NRXN1: variants seen among roughly 807,000 people sequenced by gnomAD.
NRXN1 encodes the protein neurexin 1.
In NRXN1, 39 loss-of-function variants were observed where a neutral mutation model predicts 150.9. The ratio of observed to expected loss-of-function variants is 0.26; its 90% confidence interval spans 0.20 to 0.34. The LOEUF (loss-of-function observed/expected upper bound fraction) is 0.34. NRXN1 is among the 10% of genes least tolerant of loss of function. The pLI, the probability that NRXN1 is intolerant of heterozygous loss-of-function variation, is 1.00. For missense variants in NRXN1, 1,815 were observed against 1,949.9 expected, an observed-to-expected ratio of 0.93 and a Z score of 1.30; for synonymous variants, 924 against 757.0, an observed-to-expected ratio of 1.22 and a Z score of -3.62.
rs1401913323 is a variant in NRXN1 at position 50,922,540 on chromosome 2, T to G, written c.820+118A>C. The G allele has an allele frequency of 1.1e-5, 10 of 922,310 alleles. No individual in the cohort carries two copies. The Admixed American group carries it at 2.0e-4, about 18-fold the overall frequency. The allele number at this position is 922,310 out of a possible 1,614,324, so 57.1% of individuals were successfully genotyped here. A position where few individuals can be genotyped will look rare whatever the true frequency, so the allele number is the denominator to read the frequency against. On this transcript the variant is annotated intron_variant, in intron 4 of 22. Coordinates refer to ENST00000401669, the MANE Select transcript of NRXN1 (RefSeq NM_001330078.2). Reference sequence around the variant, plus strand: ...AAAAAATGTGAACAAAAGATATGTATTTAATTTGCAGCCATATAATTTGCA... The same window carrying G: ...AAAAAATGTGAACAAAAGATATGTAGTTAATTTGCAGCCATATAATTTGCA...
chr2:50,742,793 G>A (rs1018160811), intron 5 of NRXN1, among the ~76,000 whole-genome samples: 9 of 151,922 alleles, frequency 5.9e-5, no homozygotes, highest in African/African-American at 2.2e-4. Flanking sequence ...AATAACATCG[G>A]CAGATTCTAA....
intron 15 of NRXN1, among the ~76,000 whole-genome samples, chr2:50,474,683 C>CAAAAATAAAA (rs2089829950): frequency 1.8e-5 from 1 of 54,992 alleles, no homozygotes; most frequent in Admixed American, 2.8e-4. Context: ...ACAGAAATAG[C>CAAAAATAAAA]AAAAAAAAAA....
At chr2:50,924,391 G>C (rs993478435) in intron 3 of NRXN1, among the ~76,000 whole-genome samples, 4 of 151,706 alleles carry the variant, frequency 2.6e-5, no homozygotes, top group African/African-American at 9.6e-5. Flanking sequence ...TCTTACCATG[G>C]GATGAGTGTG....
intron 5 of NRXN1, among the ~76,000 whole-genome samples, chr2:50,831,791 C>T (rs1360353961): frequency 2.6e-5 from 4 of 152,278 alleles, no homozygotes; most frequent in African/African-American, 4.8e-5. Flanking sequence ...TCATGTCATG[C>T]GAACAGTTAG....
At chr2:50,671,329 G>C (rs992225760) in intron 5 of NRXN1, among the ~76,000 whole-genome samples, 3 of 151,386 alleles carry the variant, frequency 2.0e-5, no homozygotes, top group Non-Finnish European at 3.0e-5. Context: ...TAATCTGTTT[G>C]GCTATTTTCA....
intron 5 of NRXN1, among the ~76,000 whole-genome samples, chr2:50,799,949 A>AT (rs1559280454): frequency 6.6e-6 from 1 of 152,112 alleles, no homozygotes; most frequent in African/African-American, 2.4e-5. Context: ...ACACATGATA[A>AT]TTTTTTTAAA....
chr2:50,630,761 T>C (rs748529089), intron 5 of NRXN1, among the ~76,000 whole-genome samples: 2 of 151,748 alleles, frequency 1.3e-5, no homozygotes, highest in African/African-American at 4.8e-5. Context: ...AATCAATATA[T>C]GAAAAAACAA....
intron 21 of NRXN1, among the ~76,000 whole-genome samples, chr2:50,021,081 C>A (rs1044246075): frequency 6.6e-6 from 1 of 152,246 alleles, no homozygotes; most frequent in Admixed American, 6.5e-5. Context: ...TAGATAATGT[C>A]AACTCTTGCC....
intron 5 of NRXN1, among the ~76,000 whole-genome samples, chr2:50,742,313 T>C (rs529814621): frequency 6.6e-6 from 1 of 151,844 alleles, no homozygotes; most frequent in Non-Finnish European, 1.5e-5. Flanking sequence ...TTGCCACTTA[T>C]ACATAGAGTA....
At chr2:50,326,501 A>G (rs1384516594) in intron 17 of NRXN1, among the ~76,000 whole-genome samples, 1 of 152,168 alleles carries the variant, frequency 6.6e-6, no homozygotes, top group Non-Finnish European at 1.5e-5. Flanking sequence ...CTGTAGGCTC[A>G]GGCATATAAT....
Position 50,447,737 on chromosome 2 carries a change from T to TTTTATATATA in NRXN1, c.3364+17704_3364+17705insTATATATAAA, listed in dbSNP as rs1208594855. ...AAATCACATAGTAAGCAGGGGAACG[T>TTTTATATATA]TATATATATATATATATATATATAT... On this transcript the variant is annotated intron_variant, in intron 17 of 22. Transcript: ENST00000401669. 5.8e-3 allele frequency among the ~76,000 whole-genome samples: 220 copies of TTTTATATATA among 37,906 alleles called. 48 individuals are homozygous for TTTTATATATA. Among genetic ancestry groups the TTTTATATATA allele is most frequent in the East Asian group, 0.039 (19 of 484 alleles). 24.9% of individuals were successfully genotyped at this position (37,906 alleles called of 152,430 possible).
intron 21 of NRXN1, chr2:50,023,491 AC>A (rs1220066578): frequency 6.6e-6 from 1 of 152,032 alleles, no homozygotes; most frequent in African/African-American, 2.4e-5. Context: ...CAACCTGGTG[AC>A]CTATGACAGC....
At chr2:50,061,054 T>G (rs1694452675) in intron 19 of NRXN1, among the ~76,000 whole-genome samples, 1 of 152,184 alleles carries the variant, frequency 6.6e-6, no homozygotes, top group Admixed American at 6.5e-5. Flanking sequence ...GCCTATATTT[T>G]TCCTTTACCT....
At chr2:50,020,511 T>C (rs943351445) in intron 21 of NRXN1, among the ~76,000 whole-genome samples, 15 of 152,234 alleles carry the variant, frequency 9.9e-5, no homozygotes, top group African/African-American at 3.6e-4. Flanking sequence ...TATGCTTTAG[T>C]AGGTTAATAC....
intron 2 of NRXN1, among the ~76,000 whole-genome samples, chr2:50,948,086 C>T (rs1466814457): frequency 6.6e-6 from 1 of 151,902 alleles, no homozygotes; most frequent in African/African-American, 2.4e-5. Context: ...CTTCCCAGGA[C>T]ATCCTTACAA....
At chr2:50,499,130 C>T (rs1220206544) in intron 13 of NRXN1, among the ~76,000 whole-genome samples, 3 of 152,100 alleles carry the variant, frequency 2.0e-5, no homozygotes, top group African/African-American at 7.2e-5. Context: ...AAAATTTAGA[C>T]GTCATGCTTT....
intron 17 of NRXN1, among the ~76,000 whole-genome samples, chr2:50,460,118 G>A (rs954513087): frequency 2.6e-5 from 4 of 152,102 alleles, no homozygotes; most frequent in African/African-American, 9.7e-5. Flanking sequence ...CTGGTTAGCT[G>A]GGCTCTGGTG....
At chr2:50,409,681 A>T (rs1174022193) in intron 17 of NRXN1, among the ~76,000 whole-genome samples, 1 of 152,194 alleles carries the variant, frequency 6.6e-6, no homozygotes, top group Admixed American at 6.5e-5. Flanking sequence ...CCACCAAATC[A>T]TTTGGTTTTC....
chr2:50,334,444 C>A (rs1431797533), intron 17 of NRXN1, among the ~76,000 whole-genome samples: 1 of 151,962 alleles, frequency 6.6e-6, no homozygotes, highest in East Asian at 1.9e-4. Flanking sequence ...TACCACATAC[C>A]CATCTTTCAG....
Sources: allele counts gnomAD v4.1 joint callset (sites outside exome capture counted in the v4.1 genomes callset), GRCh38; gene constraint gnomAD v4.1.1; transcripts MANE v1.5; gene names NCBI Gene and HGNC (gene_info 2026-07-23, HGNC 2026-07-21).